The following DENND4A variants were observed in gnomAD, a reference collection of about 807,000 sequenced individuals.
DENND4A encodes the protein C-myc promoter-binding protein.
DENND4A carries 70 observed loss-of-function variants against 199.3 expected under a neutral mutation model. The ratio of observed to expected loss-of-function variants is 0.35; its 90% confidence interval spans 0.29 to 0.43. DENND4A has a LOEUF of 0.43. Among genes scored for constraint, DENND4A ranks in the 20% least tolerant of loss-of-function variants. The pLI, the probability that DENND4A is intolerant of heterozygous loss-of-function variation, is 1.00. For missense variants in DENND4A, 1,723 were observed against 2,255.8 expected (o/e 0.76, Z 4.78); for synonymous variants, 686 against 766.9 (o/e 0.89, Z 1.74).
intron 2 of DENND4A, among the ~76,000 whole-genome samples, chr15:65,758,496 G>C (rs1455426582): frequency 6.6e-6 from 1 of 151,842 alleles, no homozygotes; most frequent in Non-Finnish European, 1.5e-5. Flanking sequence ...TTTTGTTGTA[G>C]AGATAGAGTC....
intron 9 of DENND4A, among the ~76,000 whole-genome samples, chr15:65,730,026 G>C (rs1238012061): frequency 6.6e-6 from 1 of 152,108 alleles, no homozygotes; most frequent in Non-Finnish European, 1.5e-5. Context: ...GGGATGCTTT[G>C]ATTGAAAGCA....
intron 1 of DENND4A, among the ~76,000 whole-genome samples, chr15:65,783,520 C>A (rs909888348): frequency 6.6e-6 from 1 of 152,134 alleles, no homozygotes; most frequent in Admixed American, 6.5e-5. Context: ...GATATTCCAA[C>A]AGCAATGAGC....
intron 12 of DENND4A, among the ~76,000 whole-genome samples, chr15:65,718,750 G>GT (rs1295522050): frequency 1.8e-4 from 8 of 43,716 alleles, no homozygotes; most frequent in South Asian, 6.9e-4. Context: ...AGTTTTGCAT[G>GT]TTTTTTTTCC....
chr15:65,691,977 T>A lies in DENND4A; in HGVS notation c.3083-466A>T, dbSNP rs924596362. On this transcript the variant is annotated intron_variant, in intron 22 of 32. Coordinates refer to ENST00000443035, the MANE Select transcript of DENND4A (RefSeq NM_001320835.1). The stretch of plus-strand genomic sequence containing the variant: ...GTCTTCCTTTTTTTTTTTTTTTTTT[T>A]AATTTGCTAGACACAGGATCTCACT... 3.5e-3 allele frequency among the ~76,000 whole-genome samples: 516 copies of A among 147,462 alleles called. 8 individuals are homozygous for A. The highest frequency in any genetic ancestry group is 0.012 in the African/African-American group (491 of 40,426).
chr15:65,696,222 G>T, intron 22 of DENND4A, 144 bp downstream of exon 22: 1 of 989,852 alleles, frequency 1.0e-6, no homozygotes, highest in Non-Finnish European at 1.4e-6. Flanking sequence ...TAGAACTCAA[G>T]TTACTAAGCT....
At chr15:65,692,527 T>C (rs1316492285) in intron 22 of DENND4A, among the ~76,000 whole-genome samples, 3 of 152,184 alleles carry the variant, frequency 2.0e-5, no homozygotes, top group Non-Finnish European at 4.4e-5. Flanking sequence ...AAAATGTGCC[T>C]TTTCTTGTCA....
intron 1 of DENND4A, among the ~76,000 whole-genome samples, chr15:65,763,646 A>G (rs969096696): frequency 8.9e-5 from 13 of 146,618 alleles, no homozygotes; most frequent in South Asian, 8.8e-4. Flanking sequence ...ACTGCACTCC[A>G]GCCAGCCTGA....
Position 65,760,461 on chromosome 15 carries a change from G to C in DENND4A, c.-23+899C>G, listed in dbSNP as rs557670509. 2.7e-3 allele frequency among the ~76,000 whole-genome samples: 410 copies of C among 152,296 alleles called. 2 individuals carry two copies. The highest frequency in any genetic ancestry group is 2.6e-3 in the Non-Finnish European group (177 of 68,018). On this transcript the variant is annotated intron_variant, in intron 2 of 32. Transcript: ENST00000443035. Reference sequence around the variant, plus strand: ...TGCAGTGAGCTGAGATCATGCCACTGCACTCCAGCCTGGGCAAGAGTGAGA... The same window carrying C: ...TGCAGTGAGCTGAGATCATGCCACTCCACTCCAGCCTGGGCAAGAGTGAGA...
At position 65,729,719 on chromosome 15, in the gene DENND4A, T is replaced by A. The variant is rs779661169; in HGVS notation, c.1167-41A>T. ...AAAATATATAATTAAAAAATAATGA[T>A]CCAAACACCTCATTATCTAAAACAA... is the stretch of plus-strand genomic sequence containing the variant. On this transcript the variant is annotated intron_variant, in intron 9 of 32. Coordinates refer to ENST00000443035, the MANE Select transcript of DENND4A (RefSeq NM_001320835.1). 20 of 1,514,782 alleles carry A rather than the reference T, an allele frequency of 1.3e-5. No individual in the cohort carries two copies. The South Asian group carries it at 2.4e-4, about 18-fold the overall frequency. The allele number at this position is 1,514,782 out of a possible 1,614,324, so 93.8% of individuals were successfully genotyped here.
At chr15:65,776,294 TATC>T (rs2077281426) in intron 1 of DENND4A, among the ~76,000 whole-genome samples, 1 of 152,218 alleles carries the variant, frequency 6.6e-6, no homozygotes, top group Non-Finnish European at 1.5e-5. Flanking sequence ...AGAAGGTATA[TATC>T]ATCATACACA....
intron 11 of DENND4A, among the ~76,000 whole-genome samples, chr15:65,728,637 C>T (rs1441524920): frequency 6.6e-6 from 1 of 152,010 alleles, no homozygotes; most frequent in Non-Finnish European, 1.5e-5. Flanking sequence ...GCATGCGCCA[C>T]CACGCTCAGC....
chr15:65,670,468 C>G (rs1470026708), intron 25 of DENND4A, among the ~76,000 whole-genome samples: 1 of 152,076 alleles, frequency 6.6e-6, no homozygotes, highest in African/African-American at 2.4e-5. Context: ...GAAAAGTAAA[C>G]TCAATCACTA....
At chr15:65,663,488 C>T (rs367833235) in intron 32 of DENND4A, among the ~76,000 whole-genome samples, 1 of 152,130 alleles carries the variant, frequency 6.6e-6, no homozygotes, top group African/African-American at 2.4e-5. Flanking sequence ...GGATTACAGG[C>T]GTGAACCACT....
intron 11 of DENND4A, among the ~76,000 whole-genome samples, chr15:65,723,711 T>C (rs921311099): frequency 6.6e-6 from 1 of 152,134 alleles, no homozygotes; most frequent in Non-Finnish European, 1.5e-5. Context: ...TTAGGCACAG[T>C]AAGGGATCGA....
At chr15:65,763,718 G>T (rs1667693548) in intron 1 of DENND4A, among the ~76,000 whole-genome samples, 1 of 148,118 alleles carries the variant, frequency 6.8e-6, no homozygotes, top group Non-Finnish European at 1.5e-5. Context: ...ATAGTGTCTT[G>T]AAATAGAGGG....
chr15:65,752,275 G>A, intron 4 of DENND4A, 104 bp downstream of exon 4: 1 of 649,234 alleles, frequency 1.5e-6, no homozygotes, highest in African/African-American at 3.3e-5. Context: ...AAACTATGCT[G>A]TTTTCCAAAA....
intron 1 of DENND4A, among the ~76,000 whole-genome samples, chr15:65,770,435 T>C (rs2077098372): frequency 6.6e-6 from 1 of 152,298 alleles, no homozygotes; most frequent in South Asian, 2.1e-4. Context: ...AGTTTACTAT[T>C]TATAGCCATT....
At position 65,702,443 on chromosome 15, in the gene DENND4A, T is replaced by G. The variant is rs377634735; in HGVS notation, c.2292A>C (p.Leu764=). 6.3e-7 allele frequency: 1 copy of G among 1,596,306 alleles called. No individual in the cohort carries two copies. Among genetic ancestry groups the G allele is most frequent in the Non-Finnish European group, 8.5e-7 (1 of 1,171,080 alleles). Residue 764 remains leucine (L), a synonymous_variant, in exon 17 of 33, where the codon CTA becomes CTC. Coordinates refer to ENST00000443035, the MANE Select transcript of DENND4A (RefSeq NM_001320835.1). The part of the protein sequence containing the change: ...SSIPQMWSRC[L]LRHCYGLWFI... Reference sequence around the variant, plus strand: ...ACCACAGTCCATAACAGTGGCGCAGTAGACACCTAGACCACATCTGAGGGA... The same window carrying G: ...ACCACAGTCCATAACAGTGGCGCAGGAGACACCTAGACCACATCTGAGGGA...
chr15:65,757,261 A>AT (rs1219606787), intron 2 of DENND4A, among the ~76,000 whole-genome samples: 1 of 55,414 alleles, frequency 1.8e-5, no homozygotes, highest in South Asian at 1.0e-3. Context: ...TTCTTCTGAG[A>AT]TGGGGGGGGG....
Sources: allele counts gnomAD v4.1 joint callset (sites outside exome capture counted in the v4.1 genomes callset), GRCh38; gene constraint gnomAD v4.1.1; transcripts MANE v1.5; gene names NCBI Gene and HGNC (gene_info 2026-07-23, HGNC 2026-07-21).